Variants in SLC39A5 observed in about 807,000 individuals in gnomAD.
The protein encoded by SLC39A5 is zinc transporter ZIP5.
SLC39A5 carries 42 observed loss-of-function variants against 46.9 expected under a neutral mutation model. That is an observed-to-expected ratio of 0.90 (90% confidence interval 0.70 to 1.16). SLC39A5 has a LOEUF of 1.16. Ranked by LOEUF, SLC39A5 falls within the 50% of genes most tolerant of loss-of-function variation. The pLI is 0.00. For synonymous variants in SLC39A5, 311 were observed against 323.1 expected (o/e 0.96, Z 0.40); for missense variants, 677 against 686.8 (o/e 0.99, Z 0.16).
intron 8 of SLC39A5, among the ~76,000 whole-genome samples, chr12:56,236,025 G>C: frequency 6.6e-6 from 1 of 152,156 alleles, no homozygotes; most frequent in Non-Finnish European, 1.5e-5. Flanking sequence ...CCAGGTGACA[G>C]AGCGAGACTC....
In SLC39A5 at chr12:56,231,184, C is replaced by T. The variant is rs1447074910; in HGVS notation, c.-71-20C>T. 4.3e-6 allele frequency: 6 copies of T among 1,406,400 alleles called. No homozygotes were observed. The highest frequency in any genetic ancestry group is 4.8e-6 in the Non-Finnish European group (5 of 1,035,246). 87.1% of individuals were successfully genotyped at this position (1,406,400 alleles called of 1,614,324 possible). On this transcript the variant is annotated intron_variant, in intron 3 of 12. Coordinates refer to ENST00000454355, the MANE Select transcript of SLC39A5 (RefSeq NM_173596.3). Reference sequence around the variant, plus strand: ...GCTGGAGAGCAGAGCGCAGCTCCAGCCCATTCCTCATTCTTCCAGGGCACA... The same window carrying T: ...GCTGGAGAGCAGAGCGCAGCTCCAGTCCATTCCTCATTCTTCCAGGGCACA...
At chr12:56,232,009 G>T (rs535946856) in intron 4 of SLC39A5, among the ~76,000 whole-genome samples, 40 of 152,086 alleles carry the variant, frequency 2.6e-4, no homozygotes, top group Middle Eastern at 3.4e-3. Context: ...TGGGACTACA[G>T]ATGTGAACTA....
intron 8 of SLC39A5, 42 bp downstream of exon 8, chr12:56,235,742 T>A (rs1565601438): frequency 1.3e-5 from 21 of 1,611,546 alleles, no homozygotes; most frequent in Non-Finnish European, 1.6e-5. Context: ...GAGACCAGAG[T>A]CCCAGTCAAG....
chr12:56,237,102 G>A, intron 11 of SLC39A5, 48 bp from the exon 12 acceptor site: 1 of 1,612,438 alleles, frequency 6.2e-7, no homozygotes, highest in Non-Finnish European at 8.5e-7. Flanking sequence ...GCATGGATGA[G>A]GGGCACCCCA....
Position 56,231,412 on chromosome 12 carries a change from G to T in SLC39A5, c.138G>T (p.Leu46=). 6.2e-7 allele frequency: 1 copy of T among 1,614,142 alleles called. No homozygotes were observed. Among genetic ancestry groups the T allele is most frequent in the Non-Finnish European group, 8.5e-7 (1 of 1,180,012 alleles). Residue 46 remains leucine (L), a synonymous_variant, in exon 4 of 13, where the codon CTG becomes CTT. Transcript: ENST00000454355. The part of the protein sequence containing the change: ...QNHYLAQLFG[L]YGENGTLTAG... The stretch of plus-strand genomic sequence containing the variant: ...ATTACCTGGCCCAGCTGTTTGGCCT[G>T]TACGGCGAGAATGGGACGCTGACTG...
rs752796468 is a variant in SLC39A5 at position 56,234,985 on chromosome 12, T to C, written c.633T>C (p.Ser211=). The C allele has an allele frequency of 1.9e-6, 3 of 1,613,046 alleles. No homozygotes were observed. Among genetic ancestry groups the C allele is most frequent in the African/African-American group, 2.7e-5 (2 of 75,042 alleles). Residue 211 remains serine (S), a splice_region_variant and synonymous_variant, in exon 6 of 13, where the codon TCT becomes TCC. Transcript: ENST00000454355. The stretch of plus-strand genomic sequence containing the variant: ...CTGCACCCCCAGGGGATCTACTATC[T>C]GGTCAGCAAGTAGGAGTGGGTGGGG... The part of the protein sequence containing the change: ...PAPAPPGDLL[S]ALLQSALAVL...
intron 5 of SLC39A5, among the ~76,000 whole-genome samples, chr12:56,233,882 A>C: frequency 6.6e-6 from 1 of 152,288 alleles, no homozygotes; most frequent in South Asian, 2.1e-4. Context: ...TCTGGCATGG[A>C]GAGCTCTAGT....
rs772254376 is a variant in SLC39A5, at chr12:56,235,653, G to C, written c.898G>C (p.Val300Leu). The change falls in exon 8 of 13, where the codon GTG becomes CTG. Residue 300 changes from valine to leucine, a missense_variant. Coordinates refer to ENST00000454355, the MANE Select transcript of SLC39A5 (RefSeq NM_173596.3). ...SVLGGLFLLF[V>L]LENMLGLLRH... ...GCTCGGAGGCCTCTTCCTGCTCTTT[G>C]TGCTGGAGAACATGCTGGGGCTTTT... 6.2e-7 allele frequency: 1 copy of C among 1,614,116 alleles called. No homozygotes were observed. Among genetic ancestry groups the C allele is most frequent in the African/African-American group, 1.3e-5 (1 of 75,046 alleles).
rs1315827210 is a variant in SLC39A5 at position 56,234,643 on chromosome 12, T to TA, written c.472-180dup. Among the ~76,000 whole-genome samples, 4 of 152,096 alleles carry TA rather than the reference T, an allele frequency of 2.6e-5. No individual in the cohort carries two copies. The East Asian group carries it at 7.7e-4, about 29-fold the overall frequency. On this transcript the variant is annotated intron_variant, in intron 5 of 12. Coordinates refer to ENST00000454355, the MANE Select transcript of SLC39A5 (RefSeq NM_173596.3). ...CCCCAGCTAATTTTTGTATTTTTAG[T>TA]AGAGACAGGGTTTCACTATGTTGGC...
Position 56,235,001 on chromosome 12 carries a change from G to C in SLC39A5, c.634+15G>C, listed in dbSNP as rs758288267. The stretch of plus-strand genomic sequence containing the variant: ...TCTACTATCTGGTCAGCAAGTAGGA[G>C]TGGGTGGGGGACACCCTGAATCCTG... On this transcript the variant is annotated intron_variant, in intron 6 of 12. Coordinates refer to ENST00000454355, the MANE Select transcript of SLC39A5 (RefSeq NM_173596.3). 6.2e-7 allele frequency: 1 copy of C among 1,612,226 alleles called. No homozygotes were observed. Among genetic ancestry groups the C allele is most frequent in the Non-Finnish European group, 8.5e-7 (1 of 1,179,860 alleles).
At position 56,235,328 on chromosome 12, in the gene SLC39A5, T is replaced by G; in HGVS notation, c.804+2T>G. The G allele has an allele frequency of 6.6e-7, 1 of 1,516,830 alleles. No homozygotes were observed. Among genetic ancestry groups the G allele is most frequent in the African/African-American group, 1.4e-5 (1 of 72,072 alleles). The allele number at this position is 1,516,830 out of a possible 1,614,324, so 94.0% of individuals were successfully genotyped here. A position where few individuals can be genotyped will look rare whatever the true frequency, so the allele number is the denominator to read the frequency against. On this transcript the variant is annotated splice_donor_variant, in intron 7 of 12. Transcript: ENST00000454355. LOFTEE classifies it high-confidence loss of function. ...GCACTGCTACATCTGCTACCGCATG[T>G]ATGTGAAGCCCCTTCCTTGTACCCC...
In SLC39A5 at chr12:56,233,343, G is replaced by A. The variant is rs545517519; in HGVS notation, c.471+471G>A. Among the ~76,000 whole-genome samples, 68 of 145,376 alleles carry A rather than the reference G, an allele frequency of 4.7e-4. No individual in the cohort carries two copies. The South Asian group carries it at 0.012, about 26-fold the overall frequency. On this transcript the variant is annotated intron_variant, in intron 5 of 12. Transcript: ENST00000454355. ...CACATGCCTATAATCCCAGTTACTC[G>A]GAAGGCTGAGGCAGGAAAATCACTT...
intron 12 of SLC39A5, 95 bp downstream of exon 12, chr12:56,237,435 C>T (rs1483991093): frequency 6.5e-7 from 1 of 1,526,816 alleles, no homozygotes; most frequent in Non-Finnish European, 8.9e-7. Context: ...CCATTAGCTC[C>T]TGGAAGGGCG....
At position 56,237,704 on chromosome 12, in the gene SLC39A5, G is replaced by T; in HGVS notation, c.1596G>T (p.Arg532=). ...LMLAITLLEE[R]LLPVTTEG is the part of the protein sequence containing the mutation. ...TTGCCATAACCCTGCTGGAGGAGCGGCTACTGCCCGTGACCACTGAGGGCT... is the reference window on the plus strand; with the variant it reads ...TTGCCATAACCCTGCTGGAGGAGCGTCTACTGCCCGTGACCACTGAGGGCT... Residue 532 remains arginine (R), a synonymous_variant, in exon 13 of 13, where the codon CGG becomes CGT. Transcript: ENST00000454355. The T allele has an allele frequency of 6.3e-7, 1 of 1,585,008 alleles. No individual in the cohort carries two copies. Among genetic ancestry groups the T allele is most frequent in the Non-Finnish European group, 8.6e-7 (1 of 1,166,440 alleles).
chr12:56,237,652 GGCT>G lies in SLC39A5; in HGVS notation c.1552_1554del (p.Leu518del). The G allele has an allele frequency of 6.2e-7, 1 of 1,611,254 alleles. No individual in the cohort carries two copies. The highest frequency in any genetic ancestry group is 1.1e-5 in the South Asian group (1 of 90,802). On this transcript the variant is annotated inframe_deletion, in exon 13 of 13. Transcript: ENST00000454355. ...CCCCATGTGCTCCTGCAGGGGCTGGGGCTGCTGCTGGGGGGCGGCCTCATGCTT... is the reference window on the plus strand; with the variant it reads ...CCCCATGTGCTCCTGCAGGGGCTGGGGCTGCTGGGGGGCGGCCTCATGCTT...
intron 5 of SLC39A5, among the ~76,000 whole-genome samples, chr12:56,233,302 TAG>T (rs1870420335): frequency 2.8e-5 from 1 of 36,022 alleles, no homozygotes; most frequent in Non-Finnish European, 5.6e-5. Context: ...AAAAAAAAAA[TAG>T]CTGGGCGTGG....
At chr12:56,236,331 C>T (rs970932553) in intron 8 of SLC39A5, 65 bp from the exon 9 acceptor site, 2 of 1,471,208 alleles carry the variant, frequency 1.4e-6, no homozygotes, top group African/African-American at 2.8e-5. Flanking sequence ...AGCTTGTGGC[C>T]TGGCTTCCCC....
chr12:56,234,974 G>T lies in SLC39A5; in HGVS notation c.622G>T (p.Asp208Tyr). Residue 208 changes from aspartate to tyrosine, a missense_variant, in exon 6 of 13, where the codon GAT (aspartate) becomes TAT (tyrosine). Asp to Tyr is a radical substitution (Grantham distance 160). Coordinates refer to ENST00000454355, the MANE Select transcript of SLC39A5 (RefSeq NM_173596.3). ...IGAPAPAPPG[D>Y]LLSALLQSAL... is the part of the protein sequence containing the mutation. ...CGCTCCGGCCCCTGCACCCCCAGGG[G>T]ATCTACTATCTGGTCAGCAAGTAGG... 6.2e-7 allele frequency: 1 copy of T among 1,613,262 alleles called. No individual in the cohort carries two copies. The highest frequency in any genetic ancestry group is 8.5e-7 in the Non-Finnish European group (1 of 1,179,998).
Position 56,231,520 on chromosome 12 carries a change from T to C in SLC39A5, c.246T>C (p.Thr82=), listed in dbSNP as rs1870215845. 1 of 1,586,282 alleles carries C rather than the reference T, an allele frequency of 6.3e-7. No homozygotes were observed. Among genetic ancestry groups the C allele is most frequent in the Non-Finnish European group, 8.6e-7 (1 of 1,164,920 alleles). The change falls in exon 4 of 13, where the codon ACT becomes ACC. Residue 82 remains threonine (T), a synonymous_variant. Transcript: ENST00000454355. The part of the protein sequence containing the change: ...GLRLGQHGPL[T]GRAASPAADN... ...GCCTGGGACAGCATGGGCCTCTGAC[T>C]GGACGGGCTGCATCCCCAGCTGCAG... is the stretch of plus-strand genomic sequence containing the variant.
Sources: allele counts gnomAD v4.1 joint callset (sites outside exome capture counted in the v4.1 genomes callset), GRCh38; gene constraint gnomAD v4.1.1; transcripts MANE v1.5; gene names NCBI Gene and HGNC (gene_info 2026-07-23, HGNC 2026-07-21).